Variants in CSMD2 observed in about 807,000 individuals in gnomAD.
CSMD2 encodes the protein CUB and sushi domain-containing protein 2.
In CSMD2, 130 loss-of-function variants were observed where a neutral mutation model predicts 398.5. The ratio of observed to expected loss-of-function variants is 0.33; its 90% CI spans 0.28 to 0.38. The LOEUF (loss-of-function observed/expected upper bound fraction) is 0.38, where lower values mean the gene tolerates loss of function less well. Among genes scored for constraint, CSMD2 ranks in the 10% least tolerant of loss-of-function variants. The pLI, the probability that CSMD2 is intolerant of heterozygous loss-of-function variation, is 1.00. For synonymous variants in CSMD2, 1,828 were observed against 1,908.5 expected (o/e 0.96, Z 1.10); for missense variants, 3,829 against 4,764.9 (o/e 0.80, Z 5.78).
intron 5 of CSMD2, among the ~76,000 whole-genome samples, chr1:33,865,882 C>T (rs1442232859): frequency 2.6e-5 from 4 of 152,100 alleles, no homozygotes; most frequent in Non-Finnish European, 5.9e-5. Context: ...ATTTTTCAGG[C>T]AAGAATATAC....
At chr1:33,819,157 G>A (rs1657810948) in intron 9 of CSMD2, among the ~76,000 whole-genome samples, 1 of 152,196 alleles carries the variant, frequency 6.6e-6, no homozygotes. Flanking sequence ...GGGGGGTAGG[G>A]GCTAGGCCAG....
intron 1 of CSMD2, among the ~76,000 whole-genome samples, chr1:34,123,523 G>GGA (rs34757695): frequency 0.5 from 54,988 of 108,978 alleles, 11,033 homozygotes; most frequent in East Asian, 0.68. Context: ...CAAACTTAAA[G>GGA]GGGGGGGGTT....
At chr1:33,824,403 G>A (rs1337838389) in intron 7 of CSMD2, among the ~76,000 whole-genome samples, 1 of 152,180 alleles carries the variant, frequency 6.6e-6, no homozygotes, top group African/African-American at 2.4e-5. Flanking sequence ...AGTCCCTGAG[G>A]GTGGTGACTG....
chr1:33,912,394 C>T (rs7535404), intron 5 of CSMD2, among the ~76,000 whole-genome samples: 30,618 of 149,562 alleles, frequency 0.2, 3,215 homozygotes, highest in African/African-American at 0.23. Flanking sequence ...GAGCTTTGGA[C>T]GACCCCCGCA....
At chr1:33,831,197 G>C (rs1659509433) in intron 6 of CSMD2, among the ~76,000 whole-genome samples, 1 of 151,908 alleles carries the variant, frequency 6.6e-6, no homozygotes, top group Non-Finnish European at 1.5e-5. Flanking sequence ...GCAACTCTAA[G>C]ACACATAATT....
chr1:33,706,160 A>G (rs2149137830), intron 22 of CSMD2, among the ~76,000 whole-genome samples: 1 of 152,226 alleles, frequency 6.6e-6, no homozygotes, highest in East Asian at 1.9e-4. Context: ...CTGTAACTTT[A>G]TTAAATTGTT....
At chr1:33,864,267 A>C (rs1313139922) in intron 5 of CSMD2, 3 of 1,613,044 alleles carry the variant, frequency 1.9e-6, no homozygotes, top group Non-Finnish European at 2.5e-6. Flanking sequence ...TTACAGAAAC[A>C]AATTCAAGGA....
At chr1:33,787,361 A>G (rs904351046) in intron 12 of CSMD2, among the ~76,000 whole-genome samples, 2 of 152,116 alleles carry the variant, frequency 1.3e-5, no homozygotes, top group Non-Finnish European at 2.9e-5. Context: ...GGAGGAACCT[A>G]TGGTACACTG....
chr1:33,522,104 C>T (rs909839356), intron 67 of CSMD2, among the ~76,000 whole-genome samples: 6 of 152,174 alleles, frequency 3.9e-5, no homozygotes, highest in African/African-American at 1.4e-4. Flanking sequence ...TACTGATGCT[C>T]ATGTGACAGA....
chr1:33,684,200 G>C (rs1322651223), intron 25 of CSMD2, among the ~76,000 whole-genome samples: 1 of 152,166 alleles, frequency 6.6e-6, no homozygotes, highest in Non-Finnish European at 1.5e-5. Context: ...CACTGGGCAG[G>C]GGTCCTGGTT....
intron 15 of CSMD2, among the ~76,000 whole-genome samples, chr1:33,729,745 C>T (rs1292541822): frequency 1.4e-4 from 22 of 152,010 alleles, no homozygotes; most frequent in Non-Finnish European, 3.1e-4. Context: ...CATAAAAATA[C>T]ATATTAAAAG....
At chr1:33,639,490 A>G (rs775786118) in intron 29 of CSMD2, among the ~76,000 whole-genome samples, 1 of 152,158 alleles carries the variant, frequency 6.6e-6, no homozygotes, top group Non-Finnish European at 1.5e-5. Flanking sequence ...TATAACATGT[A>G]TCACGCTATT....
chr1:34,103,289 CTTTT>C lies in CSMD2; in HGVS notation c.188-14100_188-14097del. 1.9e-5 allele frequency among the ~76,000 whole-genome samples: 2 copies of C among 106,970 alleles called. 1 individual carries two copies. Among genetic ancestry groups the C allele is most frequent in the Non-Finnish European group, 3.6e-5 (2 of 55,046 alleles). The allele number at this position is 106,970 out of a possible 152,430, so 70.2% of individuals were successfully genotyped here. On this transcript the variant is annotated intron_variant, in intron 1 of 70. Coordinates refer to ENST00000373381, the MANE Select transcript of CSMD2 (RefSeq NM_001281956.2). ...TGTCTCTACCAGCAAACTCCTTGAGCTTTTTTTTTTTTTTTTTTTTTCTTTCTGA... is the reference window on the plus strand; with the variant it reads ...TGTCTCTACCAGCAAACTCCTTGAGCTTTTTTTTTTTTTTTTTCTTTCTGA...
intron 25 of CSMD2, among the ~76,000 whole-genome samples, chr1:33,666,796 C>G (rs1644331290): frequency 6.6e-6 from 1 of 152,098 alleles, no homozygotes; most frequent in African/African-American, 2.4e-5. Flanking sequence ...TCTGCTTTCT[C>G]TGTGGTGATC....
chr1:34,148,754 TA>T (rs1640016378), intron 1 of CSMD2, among the ~76,000 whole-genome samples: 1 of 152,192 alleles, frequency 6.6e-6, no homozygotes, highest in African/African-American at 2.4e-5. Context: ...AAGAATGAAC[TA>T]GGACGAAGGT....
At chr1:33,585,954 G>A (rs1204057730) in intron 46 of CSMD2, among the ~76,000 whole-genome samples, 1 of 145,806 alleles carries the variant, frequency 6.9e-6, no homozygotes, top group Non-Finnish European at 1.5e-5. Flanking sequence ...GGAAGGCTGA[G>A]GGCAGGACAA....
intron 2 of CSMD2, among the ~76,000 whole-genome samples, chr1:34,047,737 A>C (rs1283414113): frequency 6.6e-6 from 1 of 152,190 alleles, no homozygotes; most frequent in African/African-American, 2.4e-5. Context: ...TAAAAAGATA[A>C]ATTGTTAGCC....
intron 46 of CSMD2, among the ~76,000 whole-genome samples, chr1:33,585,265 G>T (rs7531204): frequency 0.21 from 32,441 of 152,124 alleles, 4,570 homozygotes; most frequent in Non-Finnish European, 0.3. Context: ...GTTCTGGAAC[G>T]GGAACTGCAA....
At chr1:33,622,651 C>A (rs60095867) in intron 36 of CSMD2, among the ~76,000 whole-genome samples, 1,667 of 152,320 alleles carry the variant, frequency 0.011, 30 homozygotes, top group African/African-American at 0.038. Context: ...TCTTGGCCAC[C>A]TAGAGTTCTG....
Sources: gnomAD v4.1 joint callset for allele counts (sites outside exome capture counted in the v4.1 genomes callset) on GRCh38, gnomAD v4.1.1 for gene constraint, MANE v1.5 for transcripts, NCBI Gene and HGNC (gene_info 2026-07-23, HGNC 2026-07-21) for gene names.